The following LYG2 variants were observed in gnomAD, a reference collection of about 807,000 sequenced individuals.
The protein encoded by LYG2 is lysozyme g-like protein 2.
Under a neutral mutation model 22.4 loss-of-function variants are expected in LYG2, and 25 were observed. The observed-to-expected ratio is 1.12, with a 90% CI of 0.81 to 1.56. The LOEUF (loss-of-function observed/expected upper bound fraction) is 1.56. Among genes scored for constraint, LYG2 ranks in the 40% most tolerant of loss-of-function variants. The pLI is 0.00. For missense variants in LYG2, 266 were observed against 269.5 expected (o/e 0.99, Z 0.09); for synonymous variants, 88 against 97.0 (o/e 0.91, Z 0.55).
At chr2:99,252,484 T>C (rs956458892) in intron 3 of LYG2, among the ~76,000 whole-genome samples, 5 of 152,148 alleles carry the variant, frequency 3.3e-5, no homozygotes, top group Non-Finnish European at 5.9e-5. Flanking sequence ...TTAGGTCAGA[T>C]ACTAGATGTT....
chr2:99,254,697 T>C (rs1237881827), intron 2 of LYG2, among the ~76,000 whole-genome samples: 3 of 152,132 alleles, frequency 2.0e-5, no homozygotes, highest in Non-Finnish European at 4.4e-5. Flanking sequence ...AGAAATGGGA[T>C]CTTGCTCTGT....
intron 3 of LYG2, among the ~76,000 whole-genome samples, chr2:99,251,617 A>T (rs2094026769): frequency 6.6e-6 from 1 of 152,040 alleles, no homozygotes; most frequent in African/African-American, 2.4e-5. Context: ...TATATTTTCT[A>T]GTTCCTGCCA....
At chr2:99,245,522 G>GTGTAGCAGGAA in intron 4 of LYG2, 64 bp from the exon 5 acceptor site, 5 of 1,072,882 alleles carry the variant, frequency 4.7e-6, no homozygotes, top group Middle Eastern at 2.8e-4. Flanking sequence ...GTCAGTTCCT[G>GTGTAGCAGGAA]CTACACAGGA....
intron 3 of LYG2, among the ~76,000 whole-genome samples, chr2:99,248,844 A>G (rs1052714169): frequency 4.6e-5 from 7 of 152,092 alleles, no homozygotes; most frequent in South Asian, 4.1e-4. Context: ...CAATTTAAAT[A>G]TATTCTTATT....
intron 4 of LYG2, among the ~76,000 whole-genome samples, chr2:99,246,161 G>C (rs2094015798): frequency 6.6e-6 from 1 of 152,168 alleles, no homozygotes; most frequent in Admixed American, 6.5e-5. Flanking sequence ...GTTGTACTAG[G>C]AGTTAGCCAA....
chr2:99,243,693 CTTTTTTTTTTTT>C (rs999579137), intron 6 of LYG2: 9 of 157,102 alleles, frequency 5.7e-5, no homozygotes, highest in African/African-American at 1.2e-4. Context: ...CCATGCCCAG[CTTTTTTTTTTTT>C]TTTTTTTTTT....
chr2:99,261,234 T>C, the LYG2 span, among the ~76,000 whole-genome samples: 425 of 152,142 alleles, frequency 2.8e-3, 2 homozygotes, highest in African/African-American at 9.6e-3. Context: ...GCTTAAGTAA[T>C]GGCAAGTGGA....
intron 5 of LYG2, 120 bp downstream of exon 5, chr2:99,245,142 C>G: frequency 8.7e-7 from 1 of 1,144,578 alleles, no homozygotes; most frequent in Non-Finnish European, 1.2e-6. Flanking sequence ...GCTGGAGTAC[C>G]TGTAGCCAGA....
At chr2:99,250,474 A>G (rs780536718) in intron 3 of LYG2, among the ~76,000 whole-genome samples, 6 of 148,436 alleles carry the variant, frequency 4.0e-5, no homozygotes, top group Non-Finnish European at 7.4e-5. Flanking sequence ...TCCTGGGTTC[A>G]TGCCATTCTC....
Position 99,249,956 on chromosome 2 carries a change from G to A in LYG2, c.44-3136C>T, listed in dbSNP as rs555121969. 3.7e-4 allele frequency among the ~76,000 whole-genome samples: 57 copies of A among 152,044 alleles called. No homozygotes were observed. In the South Asian group the frequency reaches 0.012, roughly 31 times the overall value. On this transcript the variant is annotated intron_variant, in intron 3 of 6. Coordinates refer to ENST00000333017, the MANE Select transcript of LYG2 (RefSeq NM_175735.4). ...TGGGAATATGCATGGGCTGCTATCA[G>A]TCTTCTCTCTTAACCTTCCAGTGGC...
chr2:99,245,450 C>T lies in LYG2; in HGVS notation c.193G>A (p.Gly65Ser). 3 of 1,597,672 alleles carry T rather than the reference C, an allele frequency of 1.9e-6. No homozygotes were observed. The highest frequency in any genetic ancestry group is 2.6e-6 in the Non-Finnish European group (3 of 1,168,936). Residue 65 changes from glycine to serine, a missense_variant, in exon 5 of 7, where the codon GGT becomes AGT. By Grantham distance (56) the Gly-to-Ser change is moderately conservative (BLOSUM62 0). Transcript: ENST00000333017. ...TCCATCTCAGCAAACATTTCAGAAC[C>T]ACGGATCCCTACGTCAATAGAAAAG... Reference protein sequence around the residue: ...ANSVMNCGIRGSEMFAEMDLR... With the variant: ...ANSVMNCGIRSSEMFAEMDLR...
upstream of LYG2, among the ~76,000 whole-genome samples, chr2:99,258,545 C>T (rs1339792819): frequency 6.6e-6 from 1 of 152,192 alleles, no homozygotes; most frequent in African/African-American, 2.4e-5. Context: ...ACTCTGTAGC[C>T]TGCCTGGTAG....
intron 6 of LYG2, 192 bp downstream of exon 6, chr2:99,243,807 A>C: frequency 1.6e-6 from 1 of 637,040 alleles, no homozygotes; most frequent in East Asian, 2.8e-5. Context: ...CAGAAGAGGA[A>C]ATGGAGGTTG....
At chr2:99,245,017 G>A (rs1574862090) in intron 5 of LYG2, among the ~76,000 whole-genome samples, 1 of 151,630 alleles carries the variant, frequency 6.6e-6, no homozygotes, top group African/African-American at 2.4e-5. Flanking sequence ...GAGGCTGAGG[G>A]AGGAGAATCA....
At chr2:99,243,752 C>T in intron 6 of LYG2, 1 of 343,508 alleles carries the variant, frequency 2.9e-6, no homozygotes, top group South Asian at 3.2e-5. Flanking sequence ...TTCAAGGTAT[C>T]ACTCAATAGC....
Position 99,255,090 on chromosome 2 carries a change from T to C in LYG2, c.-96A>G, listed in dbSNP as rs753163196. 1.3e-5 allele frequency: 2 copies of C among 152,222 alleles called. No homozygotes were observed. The highest frequency in any genetic ancestry group is 2.4e-5 in the African/African-American group (1 of 41,452). 9.4% of individuals were successfully genotyped at this position (152,222 alleles called of 1,614,324 possible). ...AGGTCTTCTGTACTCAGCAGCAAACTGCACTTCAAGCTTTTACAAAGCGAC... is the reference window on the plus strand; with the variant it reads ...AGGTCTTCTGTACTCAGCAGCAAACCGCACTTCAAGCTTTTACAAAGCGAC... On this transcript the variant is annotated 5_prime_UTR_variant, in exon 2 of 7. Transcript: ENST00000333017.
chr2:99,245,187 A>G (rs529451892), intron 5 of LYG2, 75 bp downstream of exon 5: 4 of 1,449,120 alleles, frequency 2.8e-6, no homozygotes, highest in African/African-American at 2.9e-5. Flanking sequence ...AGCACTGCAA[A>G]TGGATTTCTA....
upstream of LYG2, among the ~76,000 whole-genome samples, chr2:99,257,039 C>G (rs1190723513): frequency 6.6e-6 from 1 of 152,182 alleles, no homozygotes; most frequent in Non-Finnish European, 1.5e-5. Context: ...CTGTAAGATT[C>G]CAAAATCCAT....
intron 2 of LYG2, among the ~76,000 whole-genome samples, chr2:99,254,553 C>T (rs1393431034): frequency 6.6e-6 from 1 of 152,090 alleles, no homozygotes; most frequent in Non-Finnish European, 1.5e-5. Flanking sequence ...ACACTCCCAT[C>T]CCACCTCTAA....
Sources: gnomAD v4.1 joint callset for allele counts (sites outside exome capture counted in the v4.1 genomes callset) on GRCh38, gnomAD v4.1.1 for gene constraint, MANE v1.5 for transcripts, NCBI Gene and HGNC (gene_info 2026-07-23, HGNC 2026-07-21) for gene names.